Variants in C9orf85 observed in about 807,000 individuals in gnomAD.
The protein encoded by C9orf85 is uncharacterized protein C9orf85.
C9orf85 carries 16 observed loss-of-function variants against 14.9 expected under a neutral mutation model. The ratio of observed to expected loss-of-function variants is 1.08; its 90% CI spans 0.73 to 1.63. C9orf85 has a LOEUF of 1.63. Among genes scored for constraint, C9orf85 ranks in the 40% most tolerant of loss-of-function variants. C9orf85 has a pLI of 0.00. For missense variants in C9orf85, 172 were observed against 186.1 expected (o/e 0.92, Z 0.44); for synonymous variants, 45 against 56.8 (o/e 0.79, Z 0.93).
At chr9:71,927,876 G>A (rs1827968176) in intron 1 of C9orf85, among the ~76,000 whole-genome samples, 1 of 152,084 alleles carries the variant, frequency 6.6e-6, no homozygotes, top group Admixed American at 6.6e-5. Flanking sequence ...TTTATTTTCT[G>A]TCCTTTATCA....
chr9:71,937,253 G>A (rs1315065070), intron 1 of C9orf85, among the ~76,000 whole-genome samples: 11 of 152,174 alleles, frequency 7.2e-5, no homozygotes, highest in Non-Finnish European at 1.3e-4. Context: ...GCCACAGCAT[G>A]TTTCTGCCTG....
chr9:71,925,107 T>C (rs1827899381), intron 1 of C9orf85, among the ~76,000 whole-genome samples: 1 of 152,256 alleles, frequency 6.6e-6, no homozygotes, highest in African/African-American at 2.4e-5. Context: ...CTAATTTTAA[T>C]GTGTCTCTAG....
chr9:71,975,361 A>T (rs1822980439), downstream of C9orf85, among the ~76,000 whole-genome samples: 1 of 151,756 alleles, frequency 6.6e-6, no homozygotes. Context: ...GAATCGCTTG[A>T]ACCCGGTAAG....
chr9:71,963,558 AC>A (rs1331890198), intron 2 of C9orf85, among the ~76,000 whole-genome samples: 2 of 151,486 alleles, frequency 1.3e-5, no homozygotes, highest in African/African-American at 4.9e-5. Flanking sequence ...GTGAGCGGGA[AC>A]CCGGGCTGCG....
downstream of C9orf85, among the ~76,000 whole-genome samples, chr9:71,977,274 C>T (rs1177709056): frequency 6.6e-6 from 1 of 151,960 alleles, no homozygotes; most frequent in African/African-American, 2.4e-5. Flanking sequence ...TAAGCTGTTG[C>T]TAATTAGAAA....
Position 71,947,139 on chromosome 9 carries a change from C to A in C9orf85, c.209+27C>A, listed in dbSNP as rs969127058. The A allele has an allele frequency of 6.4e-6, 9 of 1,417,220 alleles. No individual in the cohort carries two copies. The African/African-American group carries it at 9.9e-5, about 16-fold the overall frequency. The allele number at this position is 1,417,220 out of a possible 1,614,324, so 87.8% of individuals were successfully genotyped here. A position where few individuals can be genotyped will look rare whatever the true frequency, so the allele number is the denominator to read the frequency against. ...TGAGTTAAGATTCTTCATTACCTTA[C>A]TTGGTGGTATATGTATCATAGTTTA... On this transcript the variant is annotated intron_variant, in intron 2 of 3. Coordinates refer to ENST00000334731, the MANE Select transcript of C9orf85 (RefSeq NM_182505.5).
At chr9:71,957,771 A>G (rs370518523) in intron 2 of C9orf85, among the ~76,000 whole-genome samples, 8 of 152,314 alleles carry the variant, frequency 5.3e-5, no homozygotes, top group Admixed American at 2.0e-4. Context: ...TACTATAAAT[A>G]GCTGAGAAAA....
chr9:71,934,440 C>T (rs1828141519), intron 1 of C9orf85, among the ~76,000 whole-genome samples: 1 of 152,240 alleles, frequency 6.6e-6, no homozygotes, highest in South Asian at 2.1e-4. Flanking sequence ...CTTTCTCTTT[C>T]TGCTATCAGT....
At chr9:71,913,757 C>T (rs566822711) in intron 1 of C9orf85, among the ~76,000 whole-genome samples, 2 of 146,204 alleles carry the variant, frequency 1.4e-5, no homozygotes, top group African/African-American at 4.9e-5. Flanking sequence ...TATAGTGTAG[C>T]TTCTCCTACT....
chr9:71,971,846 C>T (rs1039291251), intron 3 of C9orf85, among the ~76,000 whole-genome samples: 16 of 151,866 alleles, frequency 1.1e-4, no homozygotes, highest in Non-Finnish European at 2.1e-4. Flanking sequence ...CAGTGGCAGG[C>T]GCCTGTAATC....
intron 1 of C9orf85, among the ~76,000 whole-genome samples, chr9:71,935,540 C>G (rs1169853778): frequency 6.6e-6 from 1 of 151,838 alleles, no homozygotes; most frequent in Non-Finnish European, 1.5e-5. Flanking sequence ...CACCTATAAT[C>G]CCATACTTTG....
At chr9:71,918,290 G>A (rs1003390445) in intron 1 of C9orf85, 5 of 420,496 alleles carry the variant, frequency 1.2e-5, no homozygotes, top group African/African-American at 4.3e-5. Flanking sequence ...TTATATTAGT[G>A]TTCCTATTTT....
In C9orf85 at chr9:71,962,968, A is replaced by T. The variant is rs536686725; in HGVS notation, c.210-8537A>T. Among the ~76,000 whole-genome samples, 184 of 152,224 alleles carry T rather than the reference A, an allele frequency of 1.2e-3. 2 individuals carry two copies. In the South Asian group the frequency reaches 0.034, roughly 28 times the overall value. ...CTACTCGGGAGGCTGAGGCACGATA[A>T]TCACTTGAACCCGGGAAGTGGAGGT... On this transcript the variant is annotated intron_variant, in intron 2 of 3. Transcript: ENST00000334731.
chr9:71,918,288 G>C (rs1192920152), intron 1 of C9orf85: 2 of 408,618 alleles, frequency 4.9e-6, no homozygotes, highest in African/African-American at 4.3e-5. Flanking sequence ...AATTATATTA[G>C]TGTTCCTATT....
At chr9:71,970,835 T>TC (rs1438587886) in intron 2 of C9orf85, among the ~76,000 whole-genome samples, 1 of 151,042 alleles carries the variant, frequency 6.6e-6, no homozygotes, top group Non-Finnish European at 1.5e-5. Context: ...AAGTCTTTTT[T>TC]TTTTTTTTCC....
intron 2 of C9orf85, among the ~76,000 whole-genome samples, chr9:71,950,600 GA>G (rs1231818578): frequency 1.3e-5 from 2 of 152,104 alleles, no homozygotes; most frequent in Non-Finnish European, 2.9e-5. Flanking sequence ...TTGAACTCTT[GA>G]CCTCATGATC....
At chr9:71,981,175 G>C (rs560071082) in intron 3 of C9orf85, among the ~76,000 whole-genome samples, 29 of 152,280 alleles carry the variant, frequency 1.9e-4, no homozygotes, top group Admixed American at 9.2e-4. Context: ...ACACAAGCAG[G>C]TACAACTGAA....
chr9:71,959,091 A>T (rs1822446907), intron 2 of C9orf85, among the ~76,000 whole-genome samples: 1 of 152,092 alleles, frequency 6.6e-6, no homozygotes, highest in Admixed American at 6.6e-5. Context: ...ATTTGAATTC[A>T]GAGTGGACAA....
intron 1 of C9orf85, among the ~76,000 whole-genome samples, chr9:71,925,655 C>A (rs1283692675): frequency 2.0e-5 from 3 of 152,120 alleles, no homozygotes; most frequent in African/African-American, 7.2e-5. Flanking sequence ...GAACATATAG[C>A]TGAAAGAGAC....
Sources: gnomAD v4.1 joint callset for allele counts (sites outside exome capture counted in the v4.1 genomes callset) on GRCh38, gnomAD v4.1.1 for gene constraint, MANE v1.5 for transcripts, NCBI Gene and HGNC (gene_info 2026-07-23, HGNC 2026-07-21) for gene names.